The following FAM98A variants were observed in gnomAD, a reference collection of about 807,000 sequenced individuals.
The protein encoded by FAM98A is tRNA splicing ligase complex subunit 3A.
Under a neutral mutation model 62.9 loss-of-function variants are expected in FAM98A, and 25 were observed. The ratio of observed to expected loss-of-function variants is 0.40; its 90% CI spans 0.29 to 0.56. The LOEUF is 0.56. Among genes scored for constraint, FAM98A ranks in the 20% least tolerant of loss-of-function variants. The probability of loss-of-function intolerance (pLI) is 0.51; values close to 1 mark genes in which losing one functional copy is unlikely to be tolerated. For synonymous variants in FAM98A, 252 were observed against 228.6 expected, an observed-to-expected ratio of 1.10 and a Z score of -0.92; for missense variants, 653 against 640.7, an observed-to-expected ratio of 1.02 and a Z score of -0.21.
At chr2:33,595,991 A>G (rs1426960881) in intron 1 of FAM98A, among the ~76,000 whole-genome samples, 1 of 152,226 alleles carries the variant, frequency 6.6e-6, no homozygotes, top group Non-Finnish European at 1.5e-5. Context: ...ATTAACAAGT[A>G]ATAGCTAATT....
At chr2:33,593,257 C>T (rs1677716461) in intron 2 of FAM98A, among the ~76,000 whole-genome samples, 1 of 152,128 alleles carries the variant, frequency 6.6e-6, no homozygotes, top group African/African-American at 2.4e-5. Context: ...TAACAAAAAT[C>T]AGCCAGTTGT....
Position 33,586,682 on chromosome 2 carries a change from A to ATTGGCTTCTTC in FAM98A, c.604-5_604-4insGAAGAAGCCAA. 6.3e-7 allele frequency: 1 copy of ATTGGCTTCTTC among 1,587,070 alleles called. No homozygotes were observed. The highest frequency in any genetic ancestry group is 8.7e-7 in the Non-Finnish European group (1 of 1,155,720). On this transcript the variant is annotated splice_region_variant and splice_polypyrimidine_tract_variant and intron_variant, in intron 5 of 7. Coordinates refer to ENST00000238823, the MANE Select transcript of FAM98A (RefSeq NM_015475.5). Reference sequence around the variant, plus strand: ...GGTTAATTGCTTCTATCTTTTCCTGAAGCAAAATTAAAAAGACTAGTTAGA... The same window carrying ATTGGCTTCTTC: ...GGTTAATTGCTTCTATCTTTTCCTGATTGGCTTCTTCAGCAAAATTAAAAAGACTAGTTAGA...
chr2:33,595,382 A>T, intron 2 of FAM98A, 107 bp downstream of exon 2: 1 of 959,918 alleles, frequency 1.0e-6, no homozygotes, highest in Non-Finnish European at 1.5e-6. Flanking sequence ...CAAATTTTTT[A>T]CATTTACAAA....
chr2:33,585,496 T>C, intron 7 of FAM98A, 34 bp downstream of exon 7: 1 of 1,613,576 alleles, frequency 6.2e-7, no homozygotes, highest in Non-Finnish European at 8.5e-7. Context: ...CAGAAATAAA[T>C]GCATTTGGAA....
Position 33,595,490 on chromosome 2 carries a change from G to A in FAM98A, c.201C>T (p.Asn67=), listed in dbSNP as rs759776444. ...ACCTAAAAGTGAATGTTTACTTACTGTTAGTTGCTTGCACGTTTTCCTCTA... is the reference window on the plus strand; with the variant it reads ...ACCTAAAAGTGAATGTTTACTTACTATTAGTTGCTTGCACGTTTTCCTCTA... ...CKLEENVQAT[N]SPSEAEEFQL... is the part of the protein sequence containing the mutation. The change falls in exon 2 of 8, where the codon AAC becomes AAT. Residue 67 remains asparagine (N), a splice_region_variant and synonymous_variant. Transcript: ENST00000238823. 5 of 1,603,368 alleles carry A rather than the reference G, an allele frequency of 3.1e-6. No homozygotes were observed. The South Asian group carries it at 4.5e-5, about 14-fold the overall frequency.
In FAM98A at chr2:33,585,256, C is replaced by A; in HGVS notation, c.1077G>T (p.Gly359=). Residue 359 remains glycine (G), a synonymous_variant, in exon 8 of 8, where the codon GGG becomes GGT. Coordinates refer to ENST00000238823, the MANE Select transcript of FAM98A (RefSeq NM_015475.5). ...GGTCATAGCCACCACGTCCACCTCT[C>A]CCGCCTCCTTGTTCATGACCTCCTC... is the stretch of plus-strand genomic sequence containing the variant. ...GGRGGHEQGG[G]RGGRGGYDHG... The A allele has an allele frequency of 6.2e-7, 1 of 1,614,106 alleles. No homozygotes were observed. Among genetic ancestry groups the A allele is most frequent in the Non-Finnish European group, 8.5e-7 (1 of 1,180,014 alleles).
intron 3 of FAM98A, among the ~76,000 whole-genome samples, chr2:33,591,132 A>G (rs1388390080): frequency 6.6e-6 from 1 of 152,188 alleles, no homozygotes; most frequent in Non-Finnish European, 1.5e-5. Flanking sequence ...TTTGACAGAC[A>G]AAGGGGAAGT....
chr2:33,584,790 G>A lies in FAM98A; in HGVS notation c.1543C>T (p.His515Tyr), dbSNP rs1181997165. The A allele has an allele frequency of 6.2e-7, 1 of 1,602,382 alleles. No homozygotes were observed. Among genetic ancestry groups the A allele is most frequent in the Admixed American group, 1.7e-5 (1 of 59,698 alleles). The change falls in exon 8 of 8, where the codon CAT becomes TAT. Residue 515 changes from histidine to tyrosine, a missense_variant. By Grantham distance (83) the His-to-Tyr change is moderately conservative. Transcript: ENST00000238823. ...YNHSGFGQGRHYTS is the reference protein window; with the variant it reads ...YNHSGFGQGRYYTS ...GTTCGGTAGCCTCAACTAGTGTAAT[G>A]TCTTCCCTGTCCAAATCCAGAATGA...
intron 5 of FAM98A, chr2:33,586,884 A>G: frequency 7.1e-6 from 4 of 562,488 alleles, no homozygotes; most frequent in Non-Finnish European, 1.3e-5. Flanking sequence ...GAGTATGTGA[A>G]GTACACAATT....
intron 1 of FAM98A, among the ~76,000 whole-genome samples, chr2:33,598,398 C>T (rs1486000953): frequency 6.6e-6 from 1 of 152,194 alleles, no homozygotes. Flanking sequence ...ATAGAGTACA[C>T]TGATCTGGGT....
Position 33,583,935 on chromosome 2 carries a change from AC to A in FAM98A, c.*840del, listed in dbSNP as rs1677474351. 2 of 152,670 alleles carry A rather than the reference AC, an allele frequency of 1.3e-5. No individual in the cohort carries two copies. The highest frequency in any genetic ancestry group is 4.8e-5 in the African/African-American group (2 of 41,472). The allele number at this position is 152,670 out of a possible 1,614,324, so 9.5% of individuals were successfully genotyped here. A position where few individuals can be genotyped will look rare whatever the true frequency, so the allele number is the denominator to read the frequency against. ...AAAGTTACCTGCTTAAAGCAAACTA[AC>A]TTGTATTTGCTGAGCCAGTGGTATT... On this transcript the variant is annotated 3_prime_UTR_variant, in exon 8 of 8. Transcript: ENST00000238823.
chr2:33,598,234 TAA>T, intron 1 of FAM98A, among the ~76,000 whole-genome samples: 1 of 152,342 alleles, frequency 6.6e-6, no homozygotes, highest in Non-Finnish European at 1.5e-5. Context: ...TGGAAAAACC[TAA>T]GAGAAAATTT....
At position 33,584,912 on chromosome 2, in the gene FAM98A, G is replaced by A. The variant is rs569395968; in HGVS notation, c.1421C>T (p.Ala474Val). The change falls in exon 8 of 8, where the codon GCA (alanine) becomes GTA (valine). Residue 474 changes from alanine to valine, a missense_variant. Coordinates refer to ENST00000238823, the MANE Select transcript of FAM98A (RefSeq NM_015475.5). ...RGGRGGRGGR[A>V]GQGGGWGGRG... ...TCCTCCCCAGCCTCCTCCCTGGCCT[G>A]CACGACCACCTCGGCCTCCACGACC... 6.2e-7 allele frequency: 1 copy of A among 1,610,970 alleles called. No individual in the cohort carries two copies. The highest frequency in any genetic ancestry group is 1.7e-5 in the Admixed American group (1 of 59,814).
intron 2 of FAM98A, among the ~76,000 whole-genome samples, chr2:33,594,424 G>A (rs1388770917): frequency 6.6e-6 from 1 of 150,912 alleles, no homozygotes; most frequent in Non-Finnish European, 1.5e-5. Context: ...GTTAGAGGGT[G>A]AGGAGAGGGA....
intron 3 of FAM98A, among the ~76,000 whole-genome samples, chr2:33,590,889 C>T (rs573773458): frequency 6.6e-6 from 1 of 152,268 alleles, no homozygotes; most frequent in African/African-American, 2.4e-5. Flanking sequence ...CATTAGTAAG[C>T]ATTCCACACA....
chr2:33,584,969 C>T lies in FAM98A; in HGVS notation c.1364G>A (p.Gly455Asp), dbSNP rs1677503081. The change falls in exon 8 of 8, where the codon GGT becomes GAT. Residue 455 changes from glycine (G) to aspartate (D), a missense_variant. Gly to Asp is a moderately conservative substitution (Grantham distance 94). Coordinates refer to ENST00000238823, the MANE Select transcript of FAM98A (RefSeq NM_015475.5). ...DNRYQDGGHH[G>D]DRGGGRGGRG... is the part of the protein sequence containing the mutation. ...CCCACCACGACCACCACCACGATCACCATGGTGCCCGCCATCTTGGTATCT... is the reference window on the plus strand; with the variant it reads ...CCCACCACGACCACCACCACGATCATCATGGTGCCCGCCATCTTGGTATCT... 1 of 1,614,124 alleles carries T rather than the reference C, an allele frequency of 6.2e-7. No homozygotes were observed. The highest frequency in any genetic ancestry group is 1.1e-5 in the South Asian group (1 of 91,068).
chr2:33,590,015 T>C (rs939871602), intron 3 of FAM98A, among the ~76,000 whole-genome samples: 3 of 152,200 alleles, frequency 2.0e-5, no homozygotes, highest in Non-Finnish European at 4.4e-5. Flanking sequence ...GTTACCAATA[T>C]AATTATCATG....
rs1229748486 is a variant in FAM98A, at chr2:33,594,572, TATATACACAC to T, written c.202+907_202+916del. Among the ~76,000 whole-genome samples, 3 of 99,470 alleles carry T rather than the reference TATATACACAC, an allele frequency of 3.0e-5. 1 individual carries two copies. The highest frequency in any genetic ancestry group is 1.3e-4 in the African/African-American group (3 of 23,798). 65.3% of individuals were successfully genotyped at this position (99,470 alleles called of 152,430 possible). ...AAAAAAAAAAAAAATTATATATATA[TATATACACAC>T]ACACACACACACACACACATACATA... On this transcript the variant is annotated intron_variant, in intron 2 of 7. Coordinates refer to ENST00000238823, the MANE Select transcript of FAM98A (RefSeq NM_015475.5).
intron 1 of FAM98A, among the ~76,000 whole-genome samples, chr2:33,596,297 A>G (rs1296424594): frequency 6.6e-6 from 1 of 152,238 alleles, no homozygotes; most frequent in Non-Finnish European, 1.5e-5. Context: ...TAAGACTAGT[A>G]AGACATTCTA....
Sources: gnomAD v4.1 joint callset for allele counts (sites outside exome capture counted in the v4.1 genomes callset) on GRCh38, gnomAD v4.1.1 for gene constraint, MANE v1.5 for transcripts, NCBI Gene and HGNC (gene_info 2026-07-23, HGNC 2026-07-21) for gene names.